CACNA1B: variants seen among roughly 807,000 people sequenced by gnomAD.
CACNA1B encodes the protein voltage-dependent N-type calcium channel subunit alpha-1B.
CACNA1B carries 70 observed loss-of-function variants against 247.2 expected under a neutral mutation model. The ratio of observed to expected loss-of-function variants is 0.28; its 90% CI spans 0.23 to 0.35. CACNA1B has a LOEUF of 0.35. Ranked by LOEUF, CACNA1B falls within the 10% of genes least tolerant of loss-of-function variation. The pLI is 1.00. For missense variants in CACNA1B, 2,367 were observed against 3,197.4 expected (o/e 0.74, Z 6.26); for synonymous variants, 1,231 against 1,294.4 (o/e 0.95, Z 1.05).
Position 138,073,205 on chromosome 9 carries a change from C to T in CACNA1B, c.4675-283C>T, listed in dbSNP as rs373817961. 5.0e-3 allele frequency among the ~76,000 whole-genome samples: 757 copies of T among 152,294 alleles called. 7 individuals carry two copies. Among genetic ancestry groups the T allele is most frequent in the African/African-American group, 0.017 (693 of 41,562 alleles). On this transcript the variant is annotated intron_variant, in intron 32 of 46. Transcript: ENST00000371372. The surrounding 1 kb of genome is among the most constrained non-coding windows in gnomAD (Gnocchi z 6.4). ...CAGAGAGATGCCTGGGAGAACTTTT[C>T]TTTCTGTTGCTCACGGTTGGGGGTG...
chr9:137,921,887 G>A (rs1312025616), intron 6 of CACNA1B, among the ~76,000 whole-genome samples: 61 of 99,318 alleles, frequency 6.1e-4, no homozygotes, highest in African/African-American at 2.0e-3. Flanking sequence ...CTGCAGCCGC[G>A]CAGCATCCTG....
intron 15 of CACNA1B, among the ~76,000 whole-genome samples, chr9:137,995,460 C>G (rs1458847597): frequency 1.3e-5 from 2 of 152,150 alleles, no homozygotes; most frequent in Non-Finnish European, 2.9e-5. Flanking sequence ...ACAAATGGTG[C>G]TGGGATAATT....
intron 10 of CACNA1B, among the ~76,000 whole-genome samples, chr9:137,960,014 TAA>T (rs906129458): frequency 6.7e-6 from 1 of 149,942 alleles, no homozygotes; most frequent in African/African-American, 2.5e-5. Context: ...TGCCTTTGAG[TAA>T]AAGAGTTGCA....
At chr9:137,953,400 G>A (rs1957901737) in intron 7 of CACNA1B, among the ~76,000 whole-genome samples, 1 of 152,210 alleles carries the variant, frequency 6.6e-6, no homozygotes, top group Non-Finnish European at 1.5e-5. Flanking sequence ...TGGGAGTTCT[G>A]CCACGCTGAG....
chr9:138,039,162 C>T (rs1387744820), intron 20 of CACNA1B, among the ~76,000 whole-genome samples: 2 of 151,654 alleles, frequency 1.3e-5, no homozygotes, highest in Non-Finnish European at 2.9e-5. Context: ...CGCCACTGCA[C>T]TCCAGCCTGG....
rs1564868238 is a variant in CACNA1B at position 137,879,150 on chromosome 9, C to T, written c.381C>T (p.Ser127=). ...CTGATGGGGACAAAACGCCCATGTC[C>T]GAGCGGCTGGTGAGTGCCCGGCTGG... The part of the protein sequence containing the change: ...HLPDGDKTPM[S]ERLDDTEPYF... The change falls in exon 2 of 47, where the codon TCC becomes TCT. Residue 127 remains serine, a synonymous_variant. Coordinates refer to ENST00000371372, the MANE Select transcript of CACNA1B (RefSeq NM_000718.4). 1.2e-6 allele frequency: 2 copies of T among 1,608,142 alleles called. No homozygotes were observed.
In CACNA1B at chr9:138,057,816, G is replaced by A; in HGVS notation, c.4053G>A (p.Val1351=). 1 of 1,612,456 alleles carries A rather than the reference G, an allele frequency of 6.2e-7. No homozygotes were observed. The highest frequency in any genetic ancestry group is 8.5e-7 in the Non-Finnish European group (1 of 1,178,838). Residue 1351 remains valine, a synonymous_variant, in exon 27 of 47, where the codon GTG becomes GTA. Transcript: ENST00000371372. This position sits in a 1 kb window ranked among gnomAD's most constrained non-coding sequence, Gnocchi z 4.0. Reference sequence around the variant, plus strand: ...AATACGACTTTCACTACGACAATGTGCTCTGGGCTCTGCTGACGCTGTTCA... The same window carrying A: ...AATACGACTTTCACTACGACAATGTACTCTGGGCTCTGCTGACGCTGTTCA... ...WKKYDFHYDN[V]LWALLTLFTV...
intron 3 of CACNA1B, chr9:137,892,264 A>G (rs1957112311): frequency 2.2e-6 from 1 of 456,674 alleles, no homozygotes; most frequent in African/African-American, 2.0e-5. Flanking sequence ...TGGAGGTCCA[A>G]GATCAGGGTG....
At chr9:138,091,423 C>T (rs561922956) in intron 36 of CACNA1B, among the ~76,000 whole-genome samples, 169 of 152,210 alleles carry the variant, frequency 1.1e-3, no homozygotes, top group African/African-American at 3.7e-3. Context: ...GGTTGGTGAA[C>T]GGATACAAAA....
In CACNA1B at chr9:138,010,994, G is replaced by A. The variant is rs968192305; in HGVS notation, c.2160+917G>A. ...CCGAGCTCTCCAGGAGGGGGGTGTG[G>A]TCCATGCGGTGTGCCAGCTGCAGCC... is the stretch of plus-strand genomic sequence containing the variant. On this transcript the variant is annotated intron_variant, in intron 17 of 46. Transcript: ENST00000371372. The surrounding 1 kb of genome is among the most constrained non-coding windows in gnomAD (Gnocchi z 5.3). 5.3e-5 allele frequency among the ~76,000 whole-genome samples: 8 copies of A among 152,184 alleles called. No homozygotes were observed. Among genetic ancestry groups the A allele is most frequent in the Admixed American group, 3.9e-4 (6 of 15,286 alleles).
At chr9:138,117,369 T>C (rs1256138301) in intron 42 of CACNA1B, among the ~76,000 whole-genome samples, 3 of 151,620 alleles carry the variant, frequency 2.0e-5, no homozygotes, top group Non-Finnish European at 2.9e-5. Flanking sequence ...GCCCAAAGAG[T>C]CCCGGGCGAG....
intron 37 of CACNA1B, among the ~76,000 whole-genome samples, chr9:138,099,245 A>G (rs1961162843): frequency 6.6e-6 from 1 of 152,144 alleles, no homozygotes; most frequent in African/African-American, 2.4e-5. Context: ...ATGCACACAG[A>G]TGTCTACATG....
chr9:137,921,155 G>T (rs1957472630), intron 6 of CACNA1B, among the ~76,000 whole-genome samples: 1 of 152,182 alleles, frequency 6.6e-6, no homozygotes, highest in Non-Finnish European at 1.5e-5. Flanking sequence ...GCCCAAGGCT[G>T]ATACTGGGGA....
In CACNA1B at chr9:138,058,056, A is replaced by C; in HGVS notation, c.4114A>C (p.Lys1372Gln). The C allele has an allele frequency of 5.0e-6, 8 of 1,613,706 alleles. No individual in the cohort carries two copies. Among genetic ancestry groups the C allele is most frequent in the Non-Finnish European group, 6.8e-6 (8 of 1,179,626 alleles). ...GCTCTCCTCTTTGCCCAGGGTGCTG[A>C]AACACTCCGTGGATGCCACCTATGA... Reference protein sequence around the residue: ...STGEGWPMVLKHSVDATYEEQ... With the variant: ...STGEGWPMVLQHSVDATYEEQ... Residue 1372 changes from lysine (K) to glutamine (Q), a missense_variant, in exon 28 of 47, where the codon AAA becomes CAA. Around this residue, in one of 12 missense-constraint regions of CACNA1B, gnomAD observed 436 missense variants for 679.5 expected, o/e 0.64. Transcript: ENST00000371372. The surrounding 1 kb of genome is among the most constrained non-coding windows in gnomAD (Gnocchi z 4.7).
In CACNA1B at chr9:137,954,841, C is replaced by T. The variant is rs1957925436; in HGVS notation, c.1071-857C>T. Among the ~76,000 whole-genome samples, 1 of 110,348 alleles carries T rather than the reference C, an allele frequency of 9.1e-6. No homozygotes were observed. Among genetic ancestry groups the T allele is most frequent in the Non-Finnish European group, 1.7e-5 (1 of 58,248 alleles). 72.4% of individuals were successfully genotyped at this position (110,348 alleles called of 152,430 possible). On this transcript the variant is annotated intron_variant, in intron 7 of 46. Transcript: ENST00000371372. This position sits in a 1 kb window ranked among gnomAD's most constrained non-coding sequence, Gnocchi z 4.1. ...GGAGTCATACCTGCCACACCCACTCCACCAACTCAGAAGCTTGTGTGTGTG... is the reference window on the plus strand; with the variant it reads ...GGAGTCATACCTGCCACACCCACTCTACCAACTCAGAAGCTTGTGTGTGTG...
At position 138,123,753 on chromosome 9, in the gene CACNA1B, A is replaced by C. The variant is rs1364386413; in HGVS notation, c.*1754A>C. ...GATTGTGACCAAACCTTTTTATAGAATTTCCTTACCTGAAGGCACAACACT... is the reference window on the plus strand; with the variant it reads ...GATTGTGACCAAACCTTTTTATAGACTTTCCTTACCTGAAGGCACAACACT... On this transcript the variant is annotated 3_prime_UTR_variant, in exon 47 of 47. Transcript: ENST00000371372. 1 of 152,122 alleles carries C rather than the reference A, an allele frequency of 6.6e-6. No homozygotes were observed. Among genetic ancestry groups the C allele is most frequent in the Non-Finnish European group, 1.5e-5 (1 of 68,018 alleles). The allele number at this position is 152,122 out of a possible 1,614,324, so 9.4% of individuals were successfully genotyped here. A position where few individuals can be genotyped will look rare whatever the true frequency, so the allele number is the denominator to read the frequency against.
At chr9:137,925,568 A>T (rs1251466526) in intron 6 of CACNA1B, among the ~76,000 whole-genome samples, 1 of 152,162 alleles carries the variant, frequency 6.6e-6, no homozygotes, top group Non-Finnish European at 1.5e-5. Flanking sequence ...GTTGATCTTG[A>T]TCATTCAACC....
chr9:138,047,553 A>G lies in CACNA1B; in HGVS notation c.3603+95A>G, dbSNP rs1487238028. 6 of 835,892 alleles carry G rather than the reference A, an allele frequency of 7.2e-6. No individual in the cohort carries two copies. The Admixed American group carries it at 7.8e-5, about 11-fold the overall frequency. 51.8% of individuals were successfully genotyped at this position (835,892 alleles called of 1,614,324 possible). ...GGGCAGTGGTTGAACCACAATTTCT[A>G]TAAACTCTTAAGACATATGGTAGGT... On this transcript the variant is annotated intron_variant, in intron 23 of 46. Coordinates refer to ENST00000371372, the MANE Select transcript of CACNA1B (RefSeq NM_000718.4).
chr9:138,022,252 G>T (rs1564242379), intron 18 of CACNA1B, among the ~76,000 whole-genome samples: 1 of 152,260 alleles, frequency 6.6e-6, no homozygotes, highest in East Asian at 1.9e-4. Flanking sequence ...GAGAGAGGAG[G>T]GCATTGGTGG....
Sources: allele counts gnomAD v4.1 joint callset (sites outside exome capture counted in the v4.1 genomes callset), GRCh38; gene constraint gnomAD v4.1.1; regional missense constraint gnomAD v4.1.1; non-coding constraint Gnocchi (gnomAD v3.1); transcripts MANE v1.5; gene names NCBI Gene and HGNC (gene_info 2026-07-23, HGNC 2026-07-21).